Variants in MB21D2 observed in about 807,000 individuals in gnomAD.
The protein encoded by MB21D2 is Mab-21 domain containing 2.
In MB21D2, 9 loss-of-function variants were observed where a neutral mutation model predicts 33.3. The observed-to-expected ratio is 0.27, with a 90% confidence interval of 0.16 to 0.47. MB21D2 has a LOEUF of 0.47. Among genes scored for constraint, MB21D2 ranks in the 20% least tolerant of loss-of-function variants. The pLI is 0.99. For synonymous variants in MB21D2, 241 were observed against 236.3 expected, an observed-to-expected ratio of 1.02 and a Z score of -0.18; for missense variants, 540 against 624.6, an observed-to-expected ratio of 0.86 and a Z score of 1.44.
At chr3:192,819,558 G>C (rs953684824) in intron 1 of MB21D2, among the ~76,000 whole-genome samples, 1 of 152,142 alleles carries the variant, frequency 6.6e-6, no homozygotes, top group African/African-American at 2.4e-5. Context: ...TTCTATTTGA[G>C]GGAAGAGTCC....
At chr3:192,825,360 G>A (rs1376773565) in intron 1 of MB21D2, among the ~76,000 whole-genome samples, 3 of 152,130 alleles carry the variant, frequency 2.0e-5, no homozygotes, top group Admixed American at 2.0e-4. Flanking sequence ...TTCATTTCAG[G>A]CAAATTCTCA....
At chr3:192,861,091 C>T (rs1432122419) in intron 1 of MB21D2, among the ~76,000 whole-genome samples, 1 of 152,212 alleles carries the variant, frequency 6.6e-6, no homozygotes, top group Non-Finnish European at 1.5e-5. Context: ...TTGGCTAAAA[C>T]TAAATGGGAA....
intron 1 of MB21D2, among the ~76,000 whole-genome samples, chr3:192,847,572 T>C (rs1341167286): frequency 1.3e-5 from 2 of 152,194 alleles, no homozygotes. Context: ...CTTCCTTTGT[T>C]CTACAGTCAC....
intron 1 of MB21D2, among the ~76,000 whole-genome samples, chr3:192,893,869 C>A (rs923136925): frequency 6.6e-6 from 1 of 152,088 alleles, no homozygotes; most frequent in Non-Finnish European, 1.5e-5. Context: ...GACCCTATCT[C>A]TACTACATAT....
chr3:192,827,049 C>A (rs1351121567), intron 1 of MB21D2, among the ~76,000 whole-genome samples: 2 of 151,978 alleles, frequency 1.3e-5, no homozygotes, highest in Non-Finnish European at 2.9e-5. Flanking sequence ...TGCCCACCAC[C>A]ACGTCCGGCT....
intron 1 of MB21D2, among the ~76,000 whole-genome samples, chr3:192,880,683 T>A (rs1390241044): frequency 6.6e-6 from 1 of 152,106 alleles, no homozygotes; most frequent in Non-Finnish European, 1.5e-5. Flanking sequence ...GTGCACCACC[T>A]GTAACTGTCA....
intron 1 of MB21D2, among the ~76,000 whole-genome samples, chr3:192,873,627 C>A (rs1450611623): frequency 6.6e-6 from 1 of 152,186 alleles, no homozygotes; most frequent in East Asian, 1.9e-4. Context: ...CCCTCCTCTA[C>A]CACTCTTTGA....
chr3:192,807,413 G>A (rs569486386), intron 1 of MB21D2, among the ~76,000 whole-genome samples: 1 of 151,744 alleles, frequency 6.6e-6, no homozygotes, highest in Non-Finnish European at 1.5e-5. Flanking sequence ...TATCAGGGAT[G>A]ACCACATTAA....
intron 1 of MB21D2, among the ~76,000 whole-genome samples, chr3:192,874,422 C>T (rs1713385319): frequency 6.6e-6 from 1 of 152,154 alleles, no homozygotes. Context: ...ACTAATGAAA[C>T]CTCACACTGT....
At chr3:192,893,098 C>T (rs1374377106) in intron 1 of MB21D2, among the ~76,000 whole-genome samples, 1 of 152,168 alleles carries the variant, frequency 6.6e-6, no homozygotes, top group African/African-American at 2.4e-5. Flanking sequence ...CAGCCAGCTG[C>T]CCAGAGCTTT....
chr3:192,905,185 AC>A (rs1224555839), intron 1 of MB21D2, among the ~76,000 whole-genome samples: 4 of 152,222 alleles, frequency 2.6e-5, no homozygotes, highest in Non-Finnish European at 4.4e-5. Context: ...AGGCAGACTT[AC>A]AGTCTGCCTC....
intron 1 of MB21D2, among the ~76,000 whole-genome samples, chr3:192,830,103 C>T (rs1301682525): frequency 6.6e-6 from 1 of 152,148 alleles, no homozygotes; most frequent in Non-Finnish European, 1.5e-5. Flanking sequence ...CCTCCCACCT[C>T]GGCCTCCCAG....
chr3:192,839,656 T>C (rs1223230311), intron 1 of MB21D2, among the ~76,000 whole-genome samples: 2 of 152,202 alleles, frequency 1.3e-5, no homozygotes. Flanking sequence ...TAGATCTAGA[T>C]ATATGTAAAA....
At chr3:192,858,150 CA>C (rs886212262) in intron 1 of MB21D2, among the ~76,000 whole-genome samples, 4 of 151,938 alleles carry the variant, frequency 2.6e-5, no homozygotes, top group Non-Finnish European at 5.9e-5. Flanking sequence ...AACAAACAAA[CA>C]AAAAAGTGGC....
intron 1 of MB21D2, among the ~76,000 whole-genome samples, chr3:192,819,705 A>T (rs1338570986): frequency 6.6e-6 from 1 of 152,208 alleles, no homozygotes; most frequent in Non-Finnish European, 1.5e-5. Context: ...TTCTATGCAG[A>T]CCACTGCTGG....
intron 1 of MB21D2, among the ~76,000 whole-genome samples, chr3:192,805,333 C>T (rs1035369449): frequency 6.6e-6 from 1 of 152,138 alleles, no homozygotes; most frequent in African/African-American, 2.4e-5. Flanking sequence ...CCTGGAAATA[C>T]AGAAGACAAA....
chr3:192,895,080 G>T (rs181930904), intron 1 of MB21D2, among the ~76,000 whole-genome samples: 28 of 152,204 alleles, frequency 1.8e-4, no homozygotes, highest in Admixed American at 7.8e-4. Flanking sequence ...GCCTGGGTTG[G>T]GGGGGAGGGG....
rs144653496 is a variant in MB21D2, at chr3:192,799,296, T to C, written c.566A>G (p.Tyr189Cys). ...FSPTKVADWF[Y>C]DSISIVLSEI... ...TGATAGGACAATGCTGATAGAGTCATAGAACCAGTCAGCCACTTTGGTAGG... is the reference window on the plus strand; with the variant it reads ...TGATAGGACAATGCTGATAGAGTCACAGAACCAGTCAGCCACTTTGGTAGG... The change falls in exon 2 of 2, where the codon TAT (tyrosine) becomes TGT (cysteine). Residue 189 changes from tyrosine to cysteine, a missense_variant. Tyr to Cys is a radical substitution (Grantham distance 194). Coordinates refer to ENST00000392452, the MANE Select transcript of MB21D2 (RefSeq NM_178496.4). The surrounding 1 kb of genome is among the most constrained non-coding windows in gnomAD (Gnocchi z 4.1). 360 of 1,614,248 alleles carry C rather than the reference T, an allele frequency of 2.2e-4. 2 individuals carry two copies. In the African/African-American group the frequency reaches 4.1e-3, roughly 18 times the overall value.
chr3:192,911,782 C>T (rs993907462), intron 1 of MB21D2, among the ~76,000 whole-genome samples: 1 of 152,042 alleles, frequency 6.6e-6, no homozygotes, highest in African/African-American at 2.4e-5. Flanking sequence ...GAATTGAAAC[C>T]AATCCAAACT....
Sources: gnomAD v4.1 joint callset for allele counts (sites outside exome capture counted in the v4.1 genomes callset) on GRCh38, gnomAD v4.1.1 for gene constraint, Gnocchi (gnomAD v3.1) non-coding constraint, MANE v1.5 for transcripts, NCBI Gene and HGNC (gene_info 2026-07-23, HGNC 2026-07-21) for gene names.